Variants in EMC3 observed in about 807,000 individuals in gnomAD.
EMC3 encodes the protein ER membrane protein complex subunit 3.
In EMC3, 13 loss-of-function variants were observed where a neutral mutation model predicts 36.6. The observed-to-expected ratio is 0.35, with a 90% confidence interval of 0.23 to 0.56. The LOEUF (loss-of-function observed/expected upper bound fraction) is 0.56, where lower values mean the gene tolerates loss of function less well. Among genes scored for constraint, EMC3 ranks in the 20% least tolerant of loss-of-function variants. EMC3 has a pLI of 0.84. For synonymous variants in EMC3, 120 were observed against 111.9 expected, an observed-to-expected ratio of 1.07 and a Z score of -0.46; for missense variants, 220 against 324.5, an observed-to-expected ratio of 0.68 and a Z score of 2.47.
chr3:9,979,645 GA>G (rs1255703640), intron 1 of EMC3, among the ~76,000 whole-genome samples: 2 of 152,256 alleles, frequency 1.3e-5, no homozygotes, highest in African/African-American at 4.8e-5. Flanking sequence ...AAAGTCTAGT[GA>G]GGGGGAAAGA....
intron 7 of EMC3, among the ~76,000 whole-genome samples, chr3:9,967,481 TG>T (rs1422310880): frequency 7.1e-6 from 1 of 140,250 alleles, no homozygotes; most frequent in South Asian, 2.2e-4. Flanking sequence ...CTTTCCCCAC[TG>T]AATAGTCTTG....
upstream of EMC3, among the ~76,000 whole-genome samples, chr3:9,990,905 T>C (rs1408506937): frequency 2.0e-5 from 3 of 152,030 alleles, no homozygotes; most frequent in African/African-American, 4.8e-5. Context: ...CTCGGCTCAC[T>C]GCAAGCTCCG....
rs557134945 is a variant in EMC3 at position 9,994,177 on chromosome 3, C to G, written c.-241-7275G>C. On this transcript the variant is annotated intron_variant, in intron 1 of 8. Coordinates refer to the EMC3 transcript ENST00000470827. ...CAGCTTCTTTTCTCTCTCTACTCTT[C>G]CCCACTCAAGGTTCTTAAGGATATG... 3 of 1,584,684 alleles carry G rather than the reference C, an allele frequency of 1.9e-6. No individual in the cohort carries two copies. In the East Asian group the frequency reaches 7.0e-5, roughly 37 times the overall value.
At chr3:10,003,538 A>T (rs2086229082) in intron 1 of EMC3, 2 of 295,158 alleles carry the variant, frequency 6.8e-6, no homozygotes, top group African/African-American at 4.3e-5. Context: ...GAGCTCCAGA[A>T]CTGTAAAATC....
intron 1 of EMC3, chr3:9,992,791 G>A: frequency 1.1e-6 from 1 of 898,270 alleles, no homozygotes; most frequent in Admixed American, 2.2e-5. Context: ...TCCATTGTGT[G>A]TTTTAATTAG....
rs757539244 is a variant in EMC3, at chr3:9,976,939, T to A, written c.307+18A>T. On this transcript the variant is annotated intron_variant, in intron 3 of 7. Transcript: ENST00000245046. ...GTTAAAAATCTTCCTTAAAGATGAG[T>A]GAAGGGAACAAACATACCAGTCATA... 5.7e-6 allele frequency: 9 copies of A among 1,577,108 alleles called. No individual in the cohort carries two copies. The East Asian group carries it at 2.0e-4, about 35-fold the overall frequency.
intron 1 of EMC3, chr3:10,000,979 G>A (rs925612023): frequency 3.2e-5 from 9 of 280,498 alleles, no homozygotes; most frequent in Admixed American, 6.7e-5. Flanking sequence ...CTGGGGCCAC[G>A]AAGGTTGCCA....
At chr3:10,005,868 A>T (rs1222763835) in intron 1 of EMC3, among the ~76,000 whole-genome samples, 6 of 152,130 alleles carry the variant, frequency 3.9e-5, no homozygotes, top group Non-Finnish European at 8.8e-5. Flanking sequence ...ACCATCAGAG[A>T]ACTGTCCCTT....
intron 1 of EMC3, among the ~76,000 whole-genome samples, chr3:10,005,418 A>G (rs1037659530): frequency 6.6e-6 from 1 of 152,128 alleles, no homozygotes; most frequent in East Asian, 1.9e-4. Context: ...TCCCTGGGCC[A>G]GGCATGCCAG....
chr3:10,009,151 C>G (rs1336487937), intron 1 of EMC3: 47 of 152,330 alleles, frequency 3.1e-4, no homozygotes, highest in Admixed American at 3.1e-3. Context: ...TCAGCCCAGC[C>G]TGGGCGGGGC....
At chr3:9,998,454 G>A (rs1032264063) in intron 1 of EMC3, among the ~76,000 whole-genome samples, 1 of 149,208 alleles carries the variant, frequency 6.7e-6, no homozygotes, top group African/African-American at 2.5e-5. Context: ...TTTATGTATA[G>A]GATCTTGCTC....
intron 3 of EMC3, 75 bp downstream of exon 3, chr3:9,976,882 C>G (rs1002261522): frequency 1.3e-5 from 13 of 1,026,244 alleles, no homozygotes; most frequent in East Asian, 7.1e-5. Context: ...ATGACACCCT[C>G]CCTGCCTACC....
intron 7 of EMC3, 108 bp downstream of exon 7, chr3:9,969,610 TA>T: frequency 3.8e-6 from 6 of 1,566,984 alleles, no homozygotes; most frequent in Non-Finnish European, 5.2e-6. Context: ...AAGTTTAAAT[TA>T]AAACGATGGA....
rs564603209 is a variant in EMC3, at chr3:9,997,321, C to T, written c.-241-10419G>A. Among the ~76,000 whole-genome samples, 3 of 152,142 alleles carry T rather than the reference C, an allele frequency of 2.0e-5. No homozygotes were observed. In the South Asian group the frequency reaches 6.2e-4, roughly 32 times the overall value. On this transcript the variant is annotated intron_variant, in intron 1 of 8. Coordinates refer to the EMC3 transcript ENST00000470827. ...TCCTGACCTCGTGATCTACCCGCCT[C>T]GCCCTCCCAAAGTCCTGGGATTACA...
chr3:9,982,020 G>A lies in EMC3; in HGVS notation c.155+4487C>T, dbSNP rs57900085. 7.9e-5 allele frequency among the ~76,000 whole-genome samples: 12 copies of A among 151,588 alleles called. No individual in the cohort carries two copies. In the East Asian group the frequency reaches 1.7e-3, roughly 22 times the overall value. On this transcript the variant is annotated intron_variant, in intron 1 of 7. Transcript: ENST00000245046. ...GGCTGGAGTACAGTGGCGTGATCTC[G>A]GCTCACTGAAACCTCTGCCTCCTGG...
At chr3:9,974,575 T>C (rs948885643) in intron 3 of EMC3, 87 bp from the exon 4 acceptor site, 16 of 921,244 alleles carry the variant, frequency 1.7e-5, no homozygotes, top group Non-Finnish European at 2.6e-5. Flanking sequence ...CTGTTTTTTT[T>C]TGAGACGGAG....
chr3:10,002,827 A>G, intron 1 of EMC3: 1 of 456,672 alleles, frequency 2.2e-6, no homozygotes, highest in Non-Finnish European at 4.4e-6. Context: ...CACGCAGAGC[A>G]CCAGCAACAG....
At chr3:10,007,487 T>C in intron 1 of EMC3, 1 of 1,367,712 alleles carries the variant, frequency 7.3e-7, no homozygotes, top group South Asian at 1.1e-5. Context: ...CATTGGCCTT[T>C]CTGCTTCGAT....
At chr3:9,994,247 A>G (rs1575694906) in intron 1 of EMC3, 3 of 1,463,784 alleles carry the variant, frequency 2.0e-6, no homozygotes, top group Admixed American at 1.7e-5. Flanking sequence ...TTCACTCTCT[A>G]GACTAGAGTA....
Sources: gnomAD v4.1 joint callset for allele counts (sites outside exome capture counted in the v4.1 genomes callset) on GRCh38, gnomAD v4.1.1 for gene constraint, MANE v1.5 for transcripts, NCBI Gene and HGNC (gene_info 2026-07-23, HGNC 2026-07-21) for gene names.